Variants in ITPR2 observed in about 807,000 individuals in gnomAD.
ITPR2 encodes inositol 1,4,5-trisphosphate-gated calcium channel ITPR2.
Under a neutral mutation model 317.1 loss-of-function variants are expected in ITPR2, and 207 were observed. That is an observed-to-expected ratio of 0.65 (90% CI 0.58 to 0.73). The LOEUF (loss-of-function observed/expected upper bound fraction) is 0.73, where lower values mean the gene tolerates loss of function less well. Ranked by LOEUF, ITPR2 falls within the 30% of genes least tolerant of loss-of-function variation. ITPR2 has a pLI of 0.00. For synonymous variants in ITPR2, 1,156 were observed against 1,149.1 expected, an observed-to-expected ratio of 1.01 and a Z score of -0.12; for missense variants, 2,613 against 3,284.0, an observed-to-expected ratio of 0.80 and a Z score of 4.99.
chr12:26,688,469 T>C (rs911201673), intron 10 of ITPR2, among the ~76,000 whole-genome samples: 1 of 150,442 alleles, frequency 6.6e-6, no homozygotes, highest in Non-Finnish European at 1.5e-5. Flanking sequence ...AGCAAAGAGA[T>C]GAGTGCAGTT....
Position 26,481,114 on chromosome 12 carries a change from C to G in ITPR2, c.6123+17G>C, listed in dbSNP as rs766147125. 2.1e-6 allele frequency: 3 copies of G among 1,457,726 alleles called. No homozygotes were observed. The highest frequency in any genetic ancestry group is 2.9e-6 in the Non-Finnish European group (3 of 1,038,232). The allele number at this position is 1,457,726 out of a possible 1,614,324, so 90.3% of individuals were successfully genotyped here. On this transcript the variant is annotated intron_variant, in intron 43 of 56. Transcript: ENST00000381340. Reference sequence around the variant, plus strand: ...GAGACTGTAGCTTTTCTGGCCTGAACAGTGGAATCGCTCTACCTTTAGCTG... The same window carrying G: ...GAGACTGTAGCTTTTCTGGCCTGAAGAGTGGAATCGCTCTACCTTTAGCTG...
rs750602242 is a variant in ITPR2 at position 26,495,225 on chromosome 12, G to A, written c.5109C>T (p.Tyr1703=). The change falls in exon 38 of 57, where the codon TAC becomes TAT. Residue 1703 remains tyrosine, a synonymous_variant. Coordinates refer to ENST00000381340, the MANE Select transcript of ITPR2 (RefSeq NM_002223.4). The part of the protein sequence containing the change: ...NTLRKILLNR[Y]FKGDYSIGVN... Reference sequence around the variant, plus strand: ...CACCAATACTATAATCACCTTTAAAGTATCGATTCAGAAGTATCTTTCTTA... The same window carrying A: ...CACCAATACTATAATCACCTTTAAAATATCGATTCAGAAGTATCTTTCTTA... 6.2e-7 allele frequency: 1 copy of A among 1,606,438 alleles called. No homozygotes were observed. Among genetic ancestry groups the A allele is most frequent in the Admixed American group, 1.7e-5 (1 of 59,932 alleles).
intron 34 of ITPR2, among the ~76,000 whole-genome samples, chr12:26,567,946 TA>T (rs1945019745): frequency 9.1e-5 from 3 of 32,794 alleles, no homozygotes; most frequent in Admixed American, 2.6e-4. Flanking sequence ...GGTATATATA[TA>T]TATTATATAT....
intron 2 of ITPR2, among the ~76,000 whole-genome samples, chr12:26,737,346 T>C (rs1592083932): frequency 1.3e-5 from 2 of 151,894 alleles, no homozygotes; most frequent in African/African-American, 4.8e-5. Context: ...ACCTCCACCT[T>C]CCAGGTTCAA....
Position 26,494,151 on chromosome 12 carries a change from A to T in ITPR2, c.5370+2T>A, listed in dbSNP as rs747613010. On this transcript the variant is annotated splice_donor_variant, in intron 39 of 56. Coordinates refer to ENST00000381340, the MANE Select transcript of ITPR2 (RefSeq NM_002223.4). LOFTEE classifies it high-confidence loss of function. ...TAATCCCCATGATTGATGAACAAGT[A>T]CCTGTGTTTGTGTATTTCCTCCTTC... 2 of 1,605,684 alleles carry T rather than the reference A, an allele frequency of 1.2e-6. No homozygotes were observed. The highest frequency in any genetic ancestry group is 1.7e-6 in the Non-Finnish European group (2 of 1,174,644).
intron 45 of ITPR2, among the ~76,000 whole-genome samples, chr12:26,451,096 G>A (rs1378761455): frequency 6.6e-6 from 1 of 152,090 alleles, no homozygotes; most frequent in Admixed American, 6.6e-5. Context: ...AAAGAAAGAA[G>A]CAATGTTCAT....
In ITPR2 at chr12:26,625,868, A is replaced by AT. The variant is rs375419043; in HGVS notation, c.3065-1513dup. On this transcript the variant is annotated intron_variant, in intron 23 of 56. Transcript: ENST00000381340. ...GTCCCTTTTTCTTGTGGGAAAGGGC[A>AT]TTTTTTTTTCTACGTGAACCAATCA... Among the ~76,000 whole-genome samples, 1,447 of 151,538 alleles carry AT rather than the reference A, an allele frequency of 9.5e-3. 21 individuals carry two copies. The highest frequency in any genetic ancestry group is 0.033 in the African/African-American group (1,348 of 41,326).
chr12:26,827,315 G>A (rs1056115262), intron 1 of ITPR2, among the ~76,000 whole-genome samples: 6 of 151,910 alleles, frequency 3.9e-5, no homozygotes, highest in African/African-American at 9.7e-5. Flanking sequence ...ACTGTAACTC[G>A]GCTTGCAACA....
chr12:26,595,491 C>G lies in ITPR2; in HGVS notation c.4354G>C (p.Glu1452Gln). 1 of 1,608,658 alleles carries G rather than the reference C, an allele frequency of 6.2e-7. No individual in the cohort carries two copies. Among genetic ancestry groups the G allele is most frequent in the Non-Finnish European group, 8.5e-7 (1 of 1,178,520 alleles). ...YTSNHIWKLF[E>Q]NFLVDMARVC... ...CTTGCCATATCCACCAAGAAGTTCTCAAATAATTTCCAAATGTGGTTACTT... is the reference window on the plus strand; with the variant it reads ...CTTGCCATATCCACCAAGAAGTTCTGAAATAATTTCCAAATGTGGTTACTT... The change falls in exon 32 of 57, where the codon GAG becomes CAG. Residue 1452 changes from glutamate (E) to glutamine (Q), a missense_variant. Transcript: ENST00000381340.
chr12:26,547,283 C>T (rs1053695024), intron 37 of ITPR2, among the ~76,000 whole-genome samples: 5 of 152,120 alleles, frequency 3.3e-5, no homozygotes, highest in South Asian at 2.1e-4. Flanking sequence ...GAGAAATGGC[C>T]GAGAAGCATA....
chr12:26,478,006 T>C (rs1416467462), intron 43 of ITPR2, among the ~76,000 whole-genome samples: 1 of 152,178 alleles, frequency 6.6e-6, no homozygotes. Flanking sequence ...GGCTTTAAGA[T>C]GCTTCTAAGT....
At chr12:26,444,604 CAG>C (rs1394930582) in intron 45 of ITPR2, among the ~76,000 whole-genome samples, 1 of 152,072 alleles carries the variant, frequency 6.6e-6, no homozygotes, top group Non-Finnish European at 1.5e-5. Flanking sequence ...AACTGAAGCA[CAG>C]AGAGTGTAAG....
chr12:26,647,403 T>C (rs898189750), intron 21 of ITPR2, among the ~76,000 whole-genome samples: 2 of 152,264 alleles, frequency 1.3e-5, no homozygotes, highest in Non-Finnish European at 2.9e-5. Flanking sequence ...GAATAAAATA[T>C]ACCCATGCTG....
chr12:26,779,112 A>G (rs1265604658), intron 2 of ITPR2, among the ~76,000 whole-genome samples: 4 of 152,198 alleles, frequency 2.6e-5, no homozygotes, highest in Non-Finnish European at 5.9e-5. Context: ...CACTTGGGCC[A>G]TGTGACCCAA....
At chr12:26,523,347 A>C (rs1408439412) in intron 37 of ITPR2, among the ~76,000 whole-genome samples, 1 of 152,226 alleles carries the variant, frequency 6.6e-6, no homozygotes, top group Admixed American at 6.5e-5. Context: ...ATCTGAGCTC[A>C]CAACTTAGTT....
intron 1 of ITPR2, among the ~76,000 whole-genome samples, chr12:26,799,897 T>A (rs1950524206): frequency 6.6e-6 from 1 of 152,198 alleles, no homozygotes; most frequent in African/African-American, 2.4e-5. Context: ...CTACTACCAG[T>A]TCTCAATCAC....
At chr12:26,715,666 C>G in intron 7 of ITPR2, 86 bp downstream of exon 7, 1 of 879,442 alleles carries the variant, frequency 1.1e-6, no homozygotes, top group Non-Finnish European at 1.8e-6. Context: ...TTATGAACAC[C>G]AGTGAATACA....
chr12:26,634,476 A>G (rs1946822286), intron 21 of ITPR2, among the ~76,000 whole-genome samples: 1 of 152,224 alleles, frequency 6.6e-6, no homozygotes, highest in South Asian at 2.1e-4. Context: ...AATGCTTACA[A>G]ATTCAGCTTT....
At chr12:26,371,944 T>A (rs1317562800) in intron 55 of ITPR2, among the ~76,000 whole-genome samples, 9 of 152,308 alleles carry the variant, frequency 5.9e-5, no homozygotes, top group East Asian at 3.9e-4. Flanking sequence ...TTCCTCTACA[T>A]AAAAGTCATC....
Sources: allele counts gnomAD v4.1 joint callset (sites outside exome capture counted in the v4.1 genomes callset), GRCh38; gene constraint gnomAD v4.1.1; transcripts MANE v1.5; gene names NCBI Gene and HGNC (gene_info 2026-07-23, HGNC 2026-07-21).